PRKG1: variants seen among roughly 807,000 people sequenced by gnomAD.
The protein encoded by PRKG1 is cGMP-dependent protein kinase 1.
A neutral mutation model predicts 88.1 loss-of-function variants in PRKG1; 35 were observed. That is an observed-to-expected ratio of 0.40 (90% CI 0.30 to 0.53). The LOEUF (loss-of-function observed/expected upper bound fraction) is 0.53, where lower values mean the gene tolerates loss of function less well. Ranked by LOEUF, PRKG1 falls within the 20% of genes least tolerant of loss-of-function variation. The pLI, the probability that PRKG1 is intolerant of heterozygous loss-of-function variation, is 0.59. For missense variants in PRKG1, 540 were observed against 839.8 expected (o/e 0.64, Z 4.41); for synonymous variants, 303 against 292.5 (o/e 1.04, Z -0.37).
chr10:50,991,519 C>T lies in PRKG1; in HGVS notation c.141C>T (p.Leu47=). 6.2e-7 allele frequency: 1 copy of T among 1,611,592 alleles called. No individual in the cohort carries two copies. The highest frequency in any genetic ancestry group is 2.2e-5 in the East Asian group (1 of 44,698). The change falls in exon 1 of 18, where the codon CTC becomes CTT. Residue 47 remains leucine, a synonymous_variant. Coordinates refer to the PRKG1 transcript ENST00000401604. The surrounding 1 kb of genome is among the most constrained non-coding windows in gnomAD (Gnocchi z 4.5). The stretch of plus-strand genomic sequence containing the variant: ...AACTCCACAAATGCCAGTCGGTGCT[C>T]CCAGTGCCCTCGACCCACATCGGCC...
intron 2 of PRKG1, among the ~76,000 whole-genome samples, chr10:51,313,692 C>T (rs1357968998): frequency 2.0e-5 from 3 of 152,112 alleles, no homozygotes; most frequent in African/African-American, 7.2e-5. Flanking sequence ...TTCCAGGACC[C>T]AGAGCGGGTA....
chr10:51,402,129 A>G (rs769352684), intron 2 of PRKG1, among the ~76,000 whole-genome samples: 1 of 152,230 alleles, frequency 6.6e-6, no homozygotes, highest in Non-Finnish European at 1.5e-5. Context: ...TATATTCATT[A>G]ACATTTATGC....
At chr10:51,479,123 TC>T (rs1211719773) in intron 3 of PRKG1, among the ~76,000 whole-genome samples, 1 of 152,010 alleles carries the variant, frequency 6.6e-6, no homozygotes, top group Non-Finnish European at 1.5e-5. Flanking sequence ...TCTTTTTTTT[TC>T]AATCAGAAAA....
intron 4 of PRKG1, among the ~76,000 whole-genome samples, chr10:51,888,784 C>T (rs6480546): frequency 0.31 from 46,569 of 151,894 alleles, 7,876 homozygotes; most frequent in African/African-American, 0.38. Flanking sequence ...TCTTCATTTG[C>T]ATAAGGTAGA....
intron 4 of PRKG1, among the ~76,000 whole-genome samples, chr10:51,856,828 G>T (rs189172725): frequency 7.2e-5 from 11 of 152,244 alleles, no homozygotes; most frequent in African/African-American, 2.6e-4. Flanking sequence ...AGCCAGGCAT[G>T]GTGGCGGGTG....
intron 7 of PRKG1, among the ~76,000 whole-genome samples, chr10:52,112,420 A>G (rs1460833364): frequency 6.6e-6 from 1 of 152,092 alleles, no homozygotes; most frequent in Non-Finnish European, 1.5e-5. Context: ...GCCCAATTCA[A>G]TCTAGTGTGA....
chr10:51,590,555 C>T (rs1453012959), intron 3 of PRKG1, among the ~76,000 whole-genome samples: 1 of 152,158 alleles, frequency 6.6e-6, no homozygotes. Context: ...AAAAAGGTTC[C>T]TCTTTCTACA....
rs1841457000 is a variant in PRKG1 at position 51,701,199 on chromosome 10, G to A, written c.593-103386G>A. On this transcript the variant is annotated intron_variant, in intron 3 of 17. Transcript: ENST00000373980. ...TGGATAGATTGCATTATACTTCTGTGGACTGGACTGCTCCAAGCCTGTGCT... is the reference window on the plus strand; with the variant it reads ...TGGATAGATTGCATTATACTTCTGTAGACTGGACTGCTCCAAGCCTGTGCT... 2.0e-5 allele frequency among the ~76,000 whole-genome samples: 3 copies of A among 152,244 alleles called. No homozygotes were observed. In the South Asian group the frequency reaches 6.2e-4, roughly 32 times the overall value.
Position 50,991,538 on chromosome 10 carries a change from A to T in PRKG1, c.160A>T (p.Ile54Phe), listed in dbSNP as rs778832051. Residue 54 changes from isoleucine (I) to phenylalanine (F), a missense_variant, in exon 1 of 18, where the codon ATC (isoleucine) becomes TTC (phenylalanine). Transcript: ENST00000401604. This position sits in a 1 kb window ranked among gnomAD's most constrained non-coding sequence, Gnocchi z 4.5. ...GGTGCTCCCAGTGCCCTCGACCCACATCGGCCCCCGGACCACCCGGGCGCA... is the reference window on the plus strand; with the variant it reads ...GGTGCTCCCAGTGCCCTCGACCCACTTCGGCCCCCGGACCACCCGGGCGCA... 4 of 1,610,480 alleles carry T rather than the reference A, an allele frequency of 2.5e-6. No homozygotes were observed. Among genetic ancestry groups the T allele is most frequent in the Non-Finnish European group, 3.4e-6 (4 of 1,178,746 alleles).
chr10:51,825,165 G>A (rs568135107), intron 4 of PRKG1, among the ~76,000 whole-genome samples: 1 of 152,198 alleles, frequency 6.6e-6, no homozygotes, highest in African/African-American at 2.4e-5. Flanking sequence ...TATTGAAGTT[G>A]GAAATAGTTA....
intron 3 of PRKG1, among the ~76,000 whole-genome samples, chr10:51,589,677 T>C (rs1838261731): frequency 6.6e-6 from 1 of 152,168 alleles, no homozygotes; most frequent in Middle Eastern, 3.2e-3. Context: ...TGATTTACAG[T>C]ATAAAATGGA....
intron 2 of PRKG1, among the ~76,000 whole-genome samples, chr10:51,393,062 CGGG>C (rs1837472380): frequency 1.7e-5 from 1 of 60,158 alleles, no homozygotes; most frequent in Non-Finnish European, 3.7e-5. Flanking sequence ...ACTTCTCAGG[CGGG>C]GCGGCTGCCG....
intron 4 of PRKG1, among the ~76,000 whole-genome samples, chr10:51,809,258 G>A (rs1839388763): frequency 6.6e-6 from 1 of 150,628 alleles, no homozygotes; most frequent in Non-Finnish European, 1.5e-5. Flanking sequence ...ATTCCCTGAT[G>A]TAAACACAGA....
chr10:52,189,427 G>A (rs773324486), intron 9 of PRKG1, among the ~76,000 whole-genome samples: 1 of 152,084 alleles, frequency 6.6e-6, no homozygotes, highest in Non-Finnish European at 1.5e-5. Context: ...TAGGCACCTG[G>A]ACACAAAGCA....
At chr10:51,740,271 C>T (rs1018984610) in intron 3 of PRKG1, among the ~76,000 whole-genome samples, 2 of 152,156 alleles carry the variant, frequency 1.3e-5, no homozygotes, top group Non-Finnish European at 2.9e-5. Context: ...TCAAGCAGTC[C>T]CTCTGCCCTG....
chr10:51,666,775 GTTTA>G (rs747991915), intron 3 of PRKG1, among the ~76,000 whole-genome samples: 13 of 151,926 alleles, frequency 8.6e-5, no homozygotes, highest in South Asian at 2.1e-4. Context: ...TCTTGTAAAA[GTTTA>G]TTTATTTATT....
intron 2 of PRKG1, among the ~76,000 whole-genome samples, chr10:51,417,957 G>A (rs1838289961): frequency 6.6e-6 from 1 of 152,170 alleles, no homozygotes; most frequent in African/African-American, 2.4e-5. Context: ...CCCTATGGGA[G>A]ACACATGTTT....
At chr10:51,834,308 G>A (rs551034340) in intron 4 of PRKG1, among the ~76,000 whole-genome samples, 1 of 152,078 alleles carries the variant, frequency 6.6e-6, no homozygotes, top group East Asian at 1.9e-4. Flanking sequence ...GATGAGTTTT[G>A]CAAAACAGAA....
chr10:51,380,669 G>A (rs964855309), intron 2 of PRKG1, among the ~76,000 whole-genome samples: 1 of 152,086 alleles, frequency 6.6e-6, no homozygotes, highest in African/African-American at 2.4e-5. Flanking sequence ...GCCAGCTTGT[G>A]GATGTAACAA....
Sources: gnomAD v4.1 joint callset for allele counts (sites outside exome capture counted in the v4.1 genomes callset) on GRCh38, gnomAD v4.1.1 for gene constraint, Gnocchi (gnomAD v3.1) non-coding constraint, MANE v1.5 for transcripts, NCBI Gene and HGNC (gene_info 2026-07-23, HGNC 2026-07-21) for gene names.